Variants in ATXN1 observed in about 807,000 individuals in gnomAD.
The protein encoded by ATXN1 is ataxin 1.
Under a neutral mutation model 56.4 loss-of-function variants are expected in ATXN1, and 8 were observed. The ratio of observed to expected loss-of-function variants is 0.14; its 90% CI spans 0.08 to 0.26. The LOEUF (loss-of-function observed/expected upper bound fraction) is 0.26. Among genes scored for constraint, ATXN1 ranks in the 10% least tolerant of loss-of-function variants. ATXN1 has a pLI of 1.00. For synonymous variants in ATXN1, 514 were observed against 494.6 expected (o/e 1.04, Z -0.52); for missense variants, 987 against 1,106.5 (o/e 0.89, Z 1.53).
At chr6:16,429,166 G>T (rs1759223877) in intron 6 of ATXN1, among the ~76,000 whole-genome samples, 1 of 152,008 alleles carries the variant, frequency 6.6e-6, no homozygotes, top group Admixed American at 6.5e-5. Flanking sequence ...CATGAGGGCT[G>T]TGCGGTGGCC....
chr6:16,316,088 C>T (rs1441986804), intron 7 of ATXN1, among the ~76,000 whole-genome samples: 1 of 152,206 alleles, frequency 6.6e-6, no homozygotes, highest in Non-Finnish European at 1.5e-5. Flanking sequence ...GCAACCATTC[C>T]AGACTGAGCT....
intron 2 of ATXN1, among the ~76,000 whole-genome samples, chr6:16,740,326 C>T (rs181476611): frequency 1.4e-3 from 210 of 152,156 alleles, no homozygotes; most frequent in African/African-American, 4.9e-3. Flanking sequence ...TACAAATGTC[C>T]AGCACCAGCT....
intron 4 of ATXN1, among the ~76,000 whole-genome samples, chr6:16,574,373 T>C (rs1401565833): frequency 6.6e-6 from 1 of 152,136 alleles, no homozygotes; most frequent in Non-Finnish European, 1.5e-5. Context: ...GCCCAGCTAA[T>C]TTTATTTGTA....
intron 6 of ATXN1, among the ~76,000 whole-genome samples, chr6:16,408,805 T>C (rs188552584): frequency 1.7e-4 from 26 of 152,308 alleles, no homozygotes; most frequent in Admixed American, 1.7e-3. Context: ...TAGTGGCATG[T>C]TCTTAGCTCA....
At position 16,561,801 on chromosome 6, in the gene ATXN1, C is replaced by T. The variant is rs911283101; in HGVS notation, c.-361+23979G>A. On this transcript the variant is annotated intron_variant, in intron 4 of 7. Coordinates refer to ENST00000436367, the MANE Select transcript of ATXN1 (RefSeq NM_001128164.2). ...AAAGAAACCAGAGATGCAACAGAAG[C>T]AGAAAACCAAGGGAGCTTGAGGTGT... Among the ~76,000 whole-genome samples, 8 of 152,060 alleles carry T rather than the reference C, an allele frequency of 5.3e-5. No individual in the cohort carries two copies. In the South Asian group the frequency reaches 1.5e-3, roughly 28 times the overall value.
At chr6:16,316,999 T>C (rs1417059960) in intron 7 of ATXN1, among the ~76,000 whole-genome samples, 3 of 149,928 alleles carry the variant, frequency 2.0e-5, no homozygotes, top group East Asian at 4.1e-4. Context: ...AGCGGAGCCA[T>C]AGCCACCTCA....
At chr6:16,670,647 C>T (rs924561777) in intron 2 of ATXN1, among the ~76,000 whole-genome samples, 2 of 152,122 alleles carry the variant, frequency 1.3e-5, no homozygotes, top group African/African-American at 4.8e-5. Context: ...AAAAATGATC[C>T]TAGAAGCATG....
intron 2 of ATXN1, among the ~76,000 whole-genome samples, chr6:16,717,095 C>A (rs1254221804): frequency 4.6e-5 from 7 of 152,228 alleles, no homozygotes; most frequent in African/African-American, 1.7e-4. Context: ...ATAATTACTA[C>A]CATCACCACT....
At chr6:16,604,158 A>C (rs1010899896) in intron 3 of ATXN1, among the ~76,000 whole-genome samples, 11 of 152,088 alleles carry the variant, frequency 7.2e-5, no homozygotes, top group Non-Finnish European at 1.5e-4. Flanking sequence ...GATGGAAAGC[A>C]GATGGAAATG....
chr6:16,695,820 T>C (rs1759153332), intron 2 of ATXN1, among the ~76,000 whole-genome samples: 1 of 151,850 alleles, frequency 6.6e-6, no homozygotes, highest in Non-Finnish European at 1.5e-5. Context: ...AAACAAAAAA[T>C]AAGTGTGGTC....
At chr6:16,485,043 T>A (rs1036295395) in intron 6 of ATXN1, 8 of 151,662 alleles carry the variant, frequency 5.3e-5, no homozygotes, top group African/African-American at 1.9e-4. Context: ...TACAGAAATA[T>A]ATGTATTTAT....
intron 4 of ATXN1, among the ~76,000 whole-genome samples, chr6:16,569,353 T>C (rs1406442205): frequency 1.3e-5 from 2 of 152,130 alleles, no homozygotes; most frequent in East Asian, 1.9e-4. Flanking sequence ...ACCTCGTCTC[T>C]GCTAAAAATA....
intron 2 of ATXN1, among the ~76,000 whole-genome samples, chr6:16,741,905 C>G (rs562077385): frequency 1.3e-5 from 2 of 152,008 alleles, no homozygotes; most frequent in Admixed American, 6.6e-5. Flanking sequence ...TTCATTTGGA[C>G]GATGTTGAGA....
intron 6 of ATXN1, among the ~76,000 whole-genome samples, chr6:16,435,050 G>A (rs1174794855): frequency 6.6e-6 from 1 of 152,152 alleles, no homozygotes. Context: ...CACATTAGAT[G>A]CAGAGGAAGA....
At chr6:16,440,670 T>C (rs1422536433) in intron 6 of ATXN1, among the ~76,000 whole-genome samples, 1 of 80,668 alleles carries the variant, frequency 1.2e-5, no homozygotes, top group African/African-American at 5.5e-5. Context: ...AAAGAAAAAA[T>C]TAAAGCGGGA....
chr6:16,326,330 C>T lies in ATXN1; in HGVS notation c.1917+64G>A, dbSNP rs1042075317. The T allele has an allele frequency of 2.1e-5, 34 of 1,588,314 alleles. No individual in the cohort carries two copies. In the African/African-American group the frequency reaches 4.0e-4, roughly 19 times the overall value. The stretch of plus-strand genomic sequence containing the variant: ...TGCCTCATAGAAGCAATTCGTCTTG[C>T]CAGGAGATGATGATGGCATCACGGT... On this transcript the variant is annotated intron_variant, in intron 7 of 7. Transcript: ENST00000436367. This position sits in a 1 kb window ranked among gnomAD's most constrained non-coding sequence, Gnocchi z 6.6.
intron 3 of ATXN1, among the ~76,000 whole-genome samples, chr6:16,654,558 AAAAAAAAAGAG>A (rs746509122): frequency 0.25 from 28,576 of 113,328 alleles, 3,482 homozygotes; most frequent in Non-Finnish European, 0.31. Context: ...AAAAAAAAAA[AAAAAAAAAGAG>A]AGAGAGAGAG....
rs1356248369 is a variant in ATXN1 at position 16,681,074 on chromosome 6, AAAGG to A, written c.-614-23177_-614-23174del. On this transcript the variant is annotated intron_variant, in intron 2 of 7. Transcript: ENST00000436367. ...ATATAGGAGCTACCTAATCAATTCC[AAAGG>A]AAGGGAGACATGATGATGATGATTG... Among the ~76,000 whole-genome samples the A allele has an allele frequency of 5.9e-5, 9 of 152,334 alleles. No homozygotes were observed. The South Asian group carries it at 1.2e-3, about 21-fold the overall frequency.
intron 6 of ATXN1, among the ~76,000 whole-genome samples, chr6:16,432,236 C>A (rs1248100130): frequency 1.3e-5 from 2 of 152,156 alleles, no homozygotes; most frequent in East Asian, 3.9e-4. Context: ...CAATGTTACA[C>A]TCGTTAAATT....
Sources: allele counts gnomAD v4.1 joint callset (sites outside exome capture counted in the v4.1 genomes callset), GRCh38; gene constraint gnomAD v4.1.1; non-coding constraint Gnocchi (gnomAD v3.1); transcripts MANE v1.5; gene names NCBI Gene and HGNC (gene_info 2026-07-23, HGNC 2026-07-21).